ZNF324B: variants seen among roughly 807,000 people sequenced by gnomAD.
ZNF324B encodes zinc finger protein 324B.
Under a neutral mutation model 10.6 loss-of-function variants are expected in ZNF324B, and 7 were observed. The ratio of observed to expected loss-of-function variants is 0.66; its 90% CI spans 0.38 to 1.24. The LOEUF (loss-of-function observed/expected upper bound fraction) is 1.24, where lower values mean the gene tolerates loss of function less well. ZNF324B is among the 50% of genes most tolerant of loss of function. ZNF324B has a pLI of 0.02. For synonymous variants in ZNF324B, 316 were observed against 321.0 expected (o/e 0.98, Z 0.17); for missense variants, 640 against 764.7 (o/e 0.84, Z 1.92).
At chr19:58,419,763 C>T in the ZNF324B span, among the ~76,000 whole-genome samples, 11 of 152,150 alleles carry the variant, frequency 7.2e-5, no homozygotes, top group African/African-American at 2.4e-4. Flanking sequence ...AGGGCTTTCC[C>T]TCTGGGGCTC....
In ZNF324B at chr19:58,453,610, G is replaced by T. The variant is rs1166073387; in HGVS notation, c.-6-86G>T. The T allele has an allele frequency of 2.6e-6, 4 of 1,550,140 alleles. No homozygotes were observed. The Admixed American group carries it at 8.2e-5, about 32-fold the overall frequency. ...AACCCAAGGAAGGAGGGACACTGGG[G>T]GAGGTGACTGTTGGGATGGGGAGCT... On this transcript the variant is annotated intron_variant, in intron 1 of 3. Transcript: ENST00000336614.
the ZNF324B span, among the ~76,000 whole-genome samples, chr19:58,436,007 G>T: frequency 6.6e-6 from 1 of 152,180 alleles, no homozygotes; most frequent in South Asian, 2.1e-4. Flanking sequence ...GGAATATTTG[G>T]CTATAAAAAA....
At chr19:58,452,884 G>C (rs2052874405) in intron 1 of ZNF324B, 1 of 152,316 alleles carries the variant, frequency 6.6e-6, no homozygotes, top group South Asian at 2.1e-4. Flanking sequence ...AATTGCGGGA[G>C]CGCTGAGATC....
chr19:58,435,183 C>T, the ZNF324B span: 3 of 1,613,458 alleles, frequency 1.9e-6, no homozygotes, highest in Admixed American at 5.0e-5. Flanking sequence ...TGGGATGGGC[C>T]CCCTCACCCT....
the ZNF324B span, chr19:58,434,970 G>C: frequency 1.2e-6 from 2 of 1,614,188 alleles, no homozygotes; most frequent in African/African-American, 2.7e-5. Flanking sequence ...TCTGGTGCTG[G>C]TGAAGGTTTG....
chr19:58,432,663 A>C, the ZNF324B span, among the ~76,000 whole-genome samples: 2 of 152,158 alleles, frequency 1.3e-5, no homozygotes, highest in African/African-American at 2.4e-5. Context: ...CCAGTCTTTC[A>C]CACAGCAATG....
At chr19:58,453,582 T>G (rs1599980418) in intron 1 of ZNF324B, 114 bp from the exon 2 acceptor site, 3 of 1,432,698 alleles carry the variant, frequency 2.1e-6, no homozygotes, top group Admixed American at 1.7e-5. Flanking sequence ...AATCTCGGGG[T>G]GGAACCCAAG....
At chr19:58,427,377 T>TTCCTTC in the ZNF324B span, among the ~76,000 whole-genome samples, 1 of 45,940 alleles carries the variant, frequency 2.2e-5, no homozygotes, top group African/African-American at 7.6e-5. Flanking sequence ...TTTCTTTCTT[T>TTCCTTC]CTTTCTTTCT....
chr19:58,418,957 G>C, the ZNF324B span: 2 of 152,202 alleles, frequency 1.3e-5, no homozygotes, highest in African/African-American at 4.8e-5. Flanking sequence ...TGGAGAGATT[G>C]AGAATAGAAT....
the ZNF324B span, chr19:58,435,017 T>C: frequency 1.2e-6 from 2 of 1,614,178 alleles, no homozygotes; most frequent in South Asian, 1.1e-5. Context: ...GCTCCACATG[T>C]GTAGGGTTTC....
upstream of ZNF324B, among the ~76,000 whole-genome samples, chr19:58,451,230 T>G (rs529614086): frequency 1.3e-4 from 20 of 152,356 alleles, no homozygotes; most frequent in South Asian, 4.1e-3. Flanking sequence ...CTCCTCCACC[T>G]ACACCTGCCC....
the ZNF324B span, among the ~76,000 whole-genome samples, chr19:58,446,232 C>T: frequency 7.2e-5 from 11 of 152,304 alleles, 1 homozygote; most frequent in South Asian, 2.3e-3. Flanking sequence ...GGAGACACTC[C>T]ATGATGGCCC....
chr19:58,449,031 C>G (rs2052839364), upstream of ZNF324B, among the ~76,000 whole-genome samples: 1 of 152,188 alleles, frequency 6.6e-6, no homozygotes, highest in Non-Finnish European at 1.5e-5. Flanking sequence ...GCCCAGAGGC[C>G]TAGGAGGAAA....
At chr19:58,423,692 A>C in the ZNF324B span, among the ~76,000 whole-genome samples, 1 of 152,202 alleles carries the variant, frequency 6.6e-6, no homozygotes, top group African/African-American at 2.4e-5. Flanking sequence ...ATAGTGACCA[A>C]AAGAGTGTGG....
the ZNF324B span, chr19:58,439,999 G>A: frequency 1.1e-4 from 71 of 634,722 alleles, no homozygotes; most frequent in African/African-American, 1.1e-3. Flanking sequence ...CTCCACTTTC[G>A]GGAACACCTT....
rs758211922 is a variant in ZNF324B, at chr19:58,455,129, C to T, written c.239-54C>T. 6.2e-7 allele frequency: 1 copy of T among 1,612,570 alleles called. No homozygotes were observed. The highest frequency in any genetic ancestry group is 8.5e-7 in the Non-Finnish European group (1 of 1,179,250). ...CCCTTGCCTGTCCACTCAGCCTGCC[C>T]TGGTCCTCTCCTAACCAGGATGCCC... On this transcript the variant is annotated intron_variant, in intron 3 of 3. Transcript: ENST00000336614. This position sits in a 1 kb window ranked among gnomAD's most constrained non-coding sequence, Gnocchi z 7.0.
the ZNF324B span, among the ~76,000 whole-genome samples, chr19:58,424,400 C>T: frequency 1.3e-5 from 2 of 152,040 alleles, no homozygotes; most frequent in Non-Finnish European, 1.5e-5. Context: ...AATAATCATC[C>T]AAAGTTTAAA....
At chr19:58,426,526 A>T in the ZNF324B span, among the ~76,000 whole-genome samples, 1 of 152,186 alleles carries the variant, frequency 6.6e-6, no homozygotes, top group South Asian at 2.1e-4. Context: ...AGTTGAGCCA[A>T]GCCAGAGAAG....
At chr19:58,445,478 A>G in the ZNF324B span, 1 of 518,986 alleles carries the variant, frequency 1.9e-6, no homozygotes, top group Non-Finnish European at 3.8e-6. Flanking sequence ...CCTTTTGATT[A>G]TAGTAAATGT....
Sources: gnomAD v4.1 joint callset for allele counts (sites outside exome capture counted in the v4.1 genomes callset) on GRCh38, gnomAD v4.1.1 for gene constraint, Gnocchi (gnomAD v3.1) non-coding constraint, MANE v1.5 for transcripts, NCBI Gene and HGNC (gene_info 2026-07-23, HGNC 2026-07-21) for gene names.